The following RNF150 variants were observed in gnomAD, a reference collection of about 807,000 sequenced individuals.
The protein encoded by RNF150 is ring finger protein 150.
In RNF150, 24 loss-of-function variants were observed where a neutral mutation model predicts 39.3. That is an observed-to-expected ratio of 0.61 (90% CI 0.44 to 0.86). RNF150 has a LOEUF of 0.86. Ranked by LOEUF, RNF150 falls within the 40% of genes least tolerant of loss-of-function variation. The probability of loss-of-function intolerance (pLI) is 0.00; values close to 1 mark genes in which losing one functional copy is unlikely to be tolerated. For synonymous variants in RNF150, 255 were observed against 227.3 expected (o/e 1.12, Z -1.10); for missense variants, 502 against 587.8 (o/e 0.85, Z 1.51).
At chr4:140,977,400 C>A (rs1733702697) in intron 1 of RNF150, among the ~76,000 whole-genome samples, 1 of 152,148 alleles carries the variant, frequency 6.6e-6, no homozygotes, top group African/African-American at 2.4e-5. Context: ...ACTGGAGCAT[C>A]TGTGGTTGTG....
At chr4:140,975,816 C>T (rs1364881) in intron 1 of RNF150, among the ~76,000 whole-genome samples, 22,812 of 152,144 alleles carry the variant, frequency 0.15, 1,898 homozygotes, top group Middle Eastern at 0.24. Context: ...AGGCTCTCTG[C>T]AGTATTACTG....
At chr4:141,040,072 G>A (rs964847437) in intron 1 of RNF150, among the ~76,000 whole-genome samples, 1 of 151,984 alleles carries the variant, frequency 6.6e-6, no homozygotes, top group African/African-American at 2.4e-5. Flanking sequence ...GCACAAGCTG[G>A]AATAAACTTA....
chr4:141,095,497 C>T (rs551259086), intron 1 of RNF150, among the ~76,000 whole-genome samples: 2 of 152,250 alleles, frequency 1.3e-5, no homozygotes, highest in African/African-American at 4.8e-5. Context: ...CATGTTCATG[C>T]AATGAATATC....
chr4:141,096,560 A>G (rs1423808486), intron 1 of RNF150, among the ~76,000 whole-genome samples: 1 of 152,038 alleles, frequency 6.6e-6, no homozygotes, highest in Non-Finnish European at 1.5e-5. Flanking sequence ...TTTCTACTAC[A>G]TTTTCAAAGT....
At chr4:141,055,290 G>A (rs993504777) in intron 1 of RNF150, among the ~76,000 whole-genome samples, 2 of 152,124 alleles carry the variant, frequency 1.3e-5, no homozygotes, top group East Asian at 1.9e-4. Context: ...ACTCATCCCC[G>A]CTTATCATCT....
intron 1 of RNF150, among the ~76,000 whole-genome samples, chr4:141,000,055 A>G (rs866567297): frequency 9.4e-6 from 1 of 105,828 alleles, no homozygotes; most frequent in Admixed American, 9.5e-5. Context: ...AAGAAGAAGA[A>G]GAAGAAGAAG....
chr4:140,889,743 T>C (rs1017587945), intron 6 of RNF150, among the ~76,000 whole-genome samples: 10 of 152,346 alleles, frequency 6.6e-5, no homozygotes, highest in Non-Finnish European at 1.0e-4. Context: ...CCTGCCCTAA[T>C]TAATAGTCCC....
At chr4:141,051,961 T>C (rs555338902) in intron 1 of RNF150, among the ~76,000 whole-genome samples, 3 of 152,320 alleles carry the variant, frequency 2.0e-5, no homozygotes, top group South Asian at 2.1e-4. Context: ...TATAGTTCCA[T>C]GTGGCTGGGG....
intron 1 of RNF150, among the ~76,000 whole-genome samples, chr4:141,117,440 T>C (rs4956514): frequency 0.77 from 117,094 of 152,042 alleles, 46,115 homozygotes; most frequent in East Asian, 0.88. Flanking sequence ...TAGAAACATG[T>C]TGTACAGGTG....
At chr4:140,954,455 C>T (rs181493800) in intron 2 of RNF150, among the ~76,000 whole-genome samples, 608 of 152,238 alleles carry the variant, frequency 4.0e-3, no homozygotes, top group Non-Finnish European at 5.3e-3. Context: ...ATCTGCCTCC[C>T]TTGGCCTTCC....
At chr4:141,129,680 T>C (rs572541846) in intron 1 of RNF150, among the ~76,000 whole-genome samples, 1 of 152,370 alleles carries the variant, frequency 6.6e-6, no homozygotes, top group Admixed American at 6.5e-5. Flanking sequence ...ACTACTGGTC[T>C]ATCCCAGGAG....
intron 1 of RNF150, among the ~76,000 whole-genome samples, chr4:141,125,748 T>C (rs1284971406): frequency 6.6e-6 from 1 of 152,180 alleles, no homozygotes; most frequent in Non-Finnish European, 1.5e-5. Flanking sequence ...CCAGGTTCTT[T>C]CTGGACCTTT....
chr4:141,200,102 G>A (rs1049922505), intron 1 of RNF150, among the ~76,000 whole-genome samples: 2 of 152,158 alleles, frequency 1.3e-5, no homozygotes, highest in African/African-American at 4.8e-5. Flanking sequence ...ACAAGATACT[G>A]GAGACTGAAT....
intron 1 of RNF150, among the ~76,000 whole-genome samples, chr4:141,075,851 T>A (rs376447094): frequency 3.3e-5 from 5 of 152,152 alleles, no homozygotes; most frequent in African/African-American, 1.2e-4. Flanking sequence ...GGGTACAGTG[T>A]ACACTGCTCA....
At chr4:140,976,379 C>T (rs1733665336) in intron 1 of RNF150, among the ~76,000 whole-genome samples, 1 of 152,000 alleles carries the variant, frequency 6.6e-6, no homozygotes, top group South Asian at 2.1e-4. Flanking sequence ...ACTCCTAGCT[C>T]ACAATATTCA....
At chr4:141,109,106 A>C (rs1314191824) in intron 1 of RNF150, among the ~76,000 whole-genome samples, 1 of 152,220 alleles carries the variant, frequency 6.6e-6, no homozygotes, top group Non-Finnish European at 1.5e-5. Context: ...CTTCAATTTC[A>C]TAAAATACAA....
rs915400239 is a variant in RNF150 at position 141,010,611 on chromosome 4, C to T, written c.485-42738G>A. Among the ~76,000 whole-genome samples, 10 of 152,278 alleles carry T rather than the reference C, an allele frequency of 6.6e-5. No homozygotes were observed. In the East Asian group the frequency reaches 1.9e-3, roughly 29 times the overall value. ...GCCAGGCTCCTCGTTGTTCTGCCAG[C>T]TTGTAATGGCATGGGGCTTCTCTTC... On this transcript the variant is annotated intron_variant, in intron 1 of 6. Coordinates refer to ENST00000515673, the MANE Select transcript of RNF150 (RefSeq NM_020724.2).
At chr4:141,117,989 T>C (rs973408078) in intron 1 of RNF150, among the ~76,000 whole-genome samples, 2 of 152,084 alleles carry the variant, frequency 1.3e-5, no homozygotes, top group African/African-American at 4.8e-5. Context: ...GAAGAGAAAA[T>C]AGACTATGTG....
intron 6 of RNF150, among the ~76,000 whole-genome samples, chr4:140,882,865 T>C (rs1483010317): frequency 1.3e-5 from 2 of 152,194 alleles, no homozygotes; most frequent in Non-Finnish European, 1.5e-5. Context: ...TTCATTTATT[T>C]AGTCTTTTGA....
Sources: gnomAD v4.1 joint callset for allele counts (sites outside exome capture counted in the v4.1 genomes callset) on GRCh38, gnomAD v4.1.1 for gene constraint, MANE v1.5 for transcripts, NCBI Gene and HGNC (gene_info 2026-07-23, HGNC 2026-07-21) for gene names.